Variants in GALNT2 observed in about 807,000 individuals in gnomAD.
GALNT2 encodes polypeptide N-acetylgalactosaminyltransferase 2, also known as UDP-GalNAc:polypeptide N-acetylgalactosaminyltransferase 2.
In GALNT2, 31 loss-of-function variants were observed where a neutral mutation model predicts 81.4. That is an observed-to-expected ratio of 0.38 (90% CI 0.29 to 0.51). The LOEUF (loss-of-function observed/expected upper bound fraction) is 0.51, where lower values mean the gene tolerates loss of function less well. Among genes scored for constraint, GALNT2 ranks in the 20% least tolerant of loss-of-function variants. GALNT2 has a pLI of 0.87. For missense variants in GALNT2, 629 were observed against 765.7 expected (o/e 0.82, Z 2.11); for synonymous variants, 303 against 287.4 (o/e 1.05, Z -0.55).
chr1:230,233,620 A>T (rs1327577503), intron 3 of GALNT2, among the ~76,000 whole-genome samples: 2 of 152,136 alleles, frequency 1.3e-5, no homozygotes. Context: ...TCTCAAAAGA[A>T]AAAAAAACCT....
intron 1 of GALNT2, among the ~76,000 whole-genome samples, chr1:230,078,849 G>A (rs576945145): frequency 6.9e-4 from 105 of 152,180 alleles, no homozygotes; most frequent in African/African-American, 2.3e-3. Flanking sequence ...TATCACCCAG[G>A]CTGGAGTATA....
In GALNT2 at chr1:230,243,352, G is replaced by T. The variant is rs755938044; in HGVS notation, c.654G>T (p.Lys218Asn). The change falls in exon 7 of 16, where the codon AAG becomes AAT. Residue 218 changes from lysine to asparagine, a missense_variant. Transcript: ENST00000366672. The surrounding 1 kb of genome is among the most constrained non-coding windows in gnomAD (Gnocchi z 4.2). ...RVRGADAAQA[K>N]VLTFLDSHCE... ...GGGGGGCCGATGCTGCCCAAGCCAA[G>T]GTCCTGACCTTCCTGGACAGTCACT... The T allele has an allele frequency of 6.2e-7, 1 of 1,611,642 alleles. No homozygotes were observed. The highest frequency in any genetic ancestry group is 1.1e-5 in the South Asian group (1 of 90,938).
At chr1:230,278,499 T>G (rs60955182) in intron 15 of GALNT2, among the ~76,000 whole-genome samples, 1 of 152,080 alleles carries the variant, frequency 6.6e-6, no homozygotes, top group Non-Finnish European at 1.5e-5. Flanking sequence ...GCACTTTGAT[T>G]CTGGCTTAGT....
intron 3 of GALNT2, among the ~76,000 whole-genome samples, chr1:230,204,988 G>A (rs891294385): frequency 6.6e-6 from 1 of 152,178 alleles, no homozygotes; most frequent in Non-Finnish European, 1.5e-5. Context: ...GGTCAGGACA[G>A]GTCCCAAGAG....
intron 1 of GALNT2, among the ~76,000 whole-genome samples, chr1:230,173,234 C>T (rs1047414962): frequency 1.3e-5 from 2 of 152,146 alleles, no homozygotes; most frequent in Non-Finnish European, 2.9e-5. Flanking sequence ...TAGGTCTTTC[C>T]AGAGGCTGCG....
chr1:230,132,217 A>G (rs1331151574), intron 1 of GALNT2, among the ~76,000 whole-genome samples: 3 of 152,216 alleles, frequency 2.0e-5, no homozygotes, highest in East Asian at 1.9e-4. Context: ...TGTGGCGGTC[A>G]GCAACAGGGT....
intron 6 of GALNT2, among the ~76,000 whole-genome samples, chr1:230,242,538 T>C (rs1043310872): frequency 1.3e-5 from 2 of 152,088 alleles, no homozygotes; most frequent in African/African-American, 4.8e-5. Context: ...TTTATTTTAT[T>C]TTTTATTTAT....
Position 230,159,086 on chromosome 1 carries a change from G to A in GALNT2, c.127-19132G>A, listed in dbSNP as rs537623750. On this transcript the variant is annotated intron_variant, in intron 1 of 15. Coordinates refer to ENST00000366672, the MANE Select transcript of GALNT2 (RefSeq NM_004481.5). ...GAGAGAGAGTAGTGGTTGAAACAGA[G>A]CATTCAAAAAAGCGTACACTTTAAC... 2.1e-4 allele frequency among the ~76,000 whole-genome samples: 32 copies of A among 152,294 alleles called. No individual in the cohort carries two copies. The South Asian group carries it at 6.2e-3, about 30-fold the overall frequency.
At chr1:230,134,402 T>A (rs1661471135) in intron 1 of GALNT2, among the ~76,000 whole-genome samples, 1 of 152,170 alleles carries the variant, frequency 6.6e-6, no homozygotes, top group South Asian at 2.1e-4. Context: ...CCACTGCACC[T>A]GGCCTATTTG....
chr1:230,151,788 C>T (rs538872925), intron 1 of GALNT2, among the ~76,000 whole-genome samples: 42 of 152,046 alleles, frequency 2.8e-4, no homozygotes, highest in African/African-American at 1.0e-3. Flanking sequence ...AAGTTTATTA[C>T]AAAAGTAAAG....
chr1:230,088,182 G>T (rs1659953337), intron 1 of GALNT2, among the ~76,000 whole-genome samples: 1 of 151,952 alleles, frequency 6.6e-6, no homozygotes, highest in South Asian at 2.1e-4. Context: ...GTAGTGTTAA[G>T]TGTAGTCCTG....
rs181821579 is a variant in GALNT2, at chr1:230,279,740, C to T, written c.*282C>T. 6 of 524,258 alleles carry T rather than the reference C, an allele frequency of 1.1e-5. No individual in the cohort carries two copies. Among genetic ancestry groups the T allele is most frequent in the African/African-American group, 7.5e-5 (4 of 53,334 alleles). The allele number at this position is 524,258 out of a possible 1,614,324, so 32.5% of individuals were successfully genotyped here. Reference sequence around the variant, plus strand: ...TTCCAGCTTTCACTTCTGCCGGCTCCGCAACTGAGTGACACCCAGCGACAA... The same window carrying T: ...TTCCAGCTTTCACTTCTGCCGGCTCTGCAACTGAGTGACACCCAGCGACAA... On this transcript the variant is annotated 3_prime_UTR_variant, in exon 16 of 16. Coordinates refer to ENST00000366672, the MANE Select transcript of GALNT2 (RefSeq NM_004481.5). The surrounding 1 kb of genome is among the most constrained non-coding windows in gnomAD (Gnocchi z 4.6).
At chr1:230,145,800 T>C (rs1661898266) in intron 1 of GALNT2, among the ~76,000 whole-genome samples, 1 of 152,240 alleles carries the variant, frequency 6.6e-6, no homozygotes, top group Non-Finnish European at 1.5e-5. Flanking sequence ...GGAAATACCA[T>C]GTTTGAAACA....
chr1:230,100,257 C>G (rs949406788), intron 1 of GALNT2, among the ~76,000 whole-genome samples: 1 of 151,274 alleles, frequency 6.6e-6, no homozygotes, highest in Non-Finnish European at 1.5e-5. Flanking sequence ...TCTGCACCAG[C>G]TCTTTGCCTG....
At chr1:230,251,725 C>A (rs192916698) in intron 10 of GALNT2, among the ~76,000 whole-genome samples, 59 of 152,314 alleles carry the variant, frequency 3.9e-4, no homozygotes, top group African/African-American at 1.3e-3. Flanking sequence ...ATCCAGCAGG[C>A]CAGGGTCGCC....
At chr1:230,100,675 T>G (rs970652584) in intron 1 of GALNT2, among the ~76,000 whole-genome samples, 1 of 152,216 alleles carries the variant, frequency 6.6e-6, no homozygotes, top group African/African-American at 2.4e-5. Flanking sequence ...TTCACCTGAT[T>G]TTGTAAATGT....
intron 1 of GALNT2, among the ~76,000 whole-genome samples, chr1:230,059,124 ACAAT>A (rs1658984657): frequency 6.6e-6 from 1 of 152,198 alleles, no homozygotes; most frequent in Non-Finnish European, 1.5e-5. Flanking sequence ...AGGAAATTGG[ACAAT>A]CAGATTATAA....
At chr1:230,071,216 C>T (rs6684677) in intron 1 of GALNT2, among the ~76,000 whole-genome samples, 91,737 of 151,970 alleles carry the variant, frequency 0.6, 33,074 homozygotes, top group Non-Finnish European at 0.79. Context: ...TTTTTTTATC[C>T]GTTACCCCCA....
At chr1:230,238,264 G>C (rs946469169) in intron 6 of GALNT2, among the ~76,000 whole-genome samples, 1 of 152,144 alleles carries the variant, frequency 6.6e-6, no homozygotes, top group Non-Finnish European at 1.5e-5. Context: ...TATTATGGTA[G>C]TGAAAGCAGT....
Sources: allele counts gnomAD v4.1 joint callset (sites outside exome capture counted in the v4.1 genomes callset), GRCh38; gene constraint gnomAD v4.1.1; non-coding constraint Gnocchi (gnomAD v3.1); transcripts MANE v1.5; gene names NCBI Gene and HGNC (gene_info 2026-07-23, HGNC 2026-07-21).